The following CDKN2B-AS1 variants were observed in gnomAD, a reference collection of about 807,000 sequenced individuals.
CDKN2B-AS1 encodes the protein CDKN2B and CDKN2A antisense cis and trans regulatory RNA 1, also known as CDKN2B antisense RNA 1 (non-protein coding).
chr9:21,996,341 A>G lies in CDKN2B-AS1; in HGVS notation n.29+1180A>G, dbSNP rs1200260049. Among the ~76,000 whole-genome samples, 2 of 152,154 alleles carry G rather than the reference A, an allele frequency of 1.3e-5. No individual in the cohort carries two copies. The highest frequency in any genetic ancestry group is 2.9e-5 in the Non-Finnish European group (2 of 68,026). Reference sequence around the variant, plus strand: ...TTACAAATGCACCTCCCCGGTAGGTAGATTTCACTCAGAATTTACCCAACA... The same window carrying G: ...TTACAAATGCACCTCCCCGGTAGGTGGATTTCACTCAGAATTTACCCAACA... On this transcript the variant is annotated intron_variant and non_coding_transcript_variant, in intron 1 of 4. Transcript: ENST00000650946. The surrounding 1 kb of genome is among the most constrained non-coding windows in gnomAD (Gnocchi z 5.4).
At chr9:22,115,420 C>G (rs1427695847) in intron 4 of CDKN2B-AS1, among the ~76,000 whole-genome samples, 1 of 152,130 alleles carries the variant, frequency 6.6e-6, no homozygotes, top group Non-Finnish European at 1.5e-5. Flanking sequence ...GGTCTCCCCT[C>G]TCAGAAGCGA....
At chr9:22,048,982 C>G (rs183628174) in intron 2 of CDKN2B-AS1, 2 of 152,278 alleles carry the variant, frequency 1.3e-5, no homozygotes, top group South Asian at 2.1e-4. Flanking sequence ...AAGAGCTCAA[C>G]AAATATTCAC....
At chr9:22,092,691 T>C (rs1313208552) in intron 4 of CDKN2B-AS1, among the ~76,000 whole-genome samples, 4 of 152,176 alleles carry the variant, frequency 2.6e-5, no homozygotes, top group Non-Finnish European at 5.9e-5. Context: ...TTTTTTATTG[T>C]GTCTATTTGA....
At chr9:22,008,497 C>T (rs1821305302) in intron 1 of CDKN2B-AS1, among the ~76,000 whole-genome samples, 1 of 152,164 alleles carries the variant, frequency 6.6e-6, no homozygotes, top group Non-Finnish European at 1.5e-5. Flanking sequence ...AGATAATCTT[C>T]TTCCCTAAAT....
At chr9:22,008,794 C>G in intron 1 of CDKN2B-AS1, 1 of 1,605,864 alleles carries the variant, frequency 6.2e-7, no homozygotes, top group Non-Finnish European at 8.5e-7. Flanking sequence ...GGGGCCCCAG[C>G]TACCTGGATC....
At chr9:22,066,729 C>A (rs756872406) in intron 4 of CDKN2B-AS1, among the ~76,000 whole-genome samples, 1 of 151,872 alleles carries the variant, frequency 6.6e-6, no homozygotes, top group African/African-American at 2.4e-5. Flanking sequence ...GAGTTACCAT[C>A]GGGTCTTAGA....
At chr9:22,073,090 A>G (rs1044043288) in intron 4 of CDKN2B-AS1, among the ~76,000 whole-genome samples, 1 of 152,164 alleles carries the variant, frequency 6.6e-6, no homozygotes, top group African/African-American at 2.4e-5. Flanking sequence ...CACATATTAA[A>G]ATATTATTTT....
chr9:22,078,265 A>G (rs1563967285), intron 4 of CDKN2B-AS1, among the ~76,000 whole-genome samples: 1 of 147,248 alleles, frequency 6.8e-6, no homozygotes, highest in Non-Finnish European at 1.5e-5. Flanking sequence ...CTTGCTTTCA[A>G]TTTTTTTTTT....
At chr9:22,127,426 C>T (rs966589555) in exon 5 of CDKN2B-AS1, among the ~76,000 whole-genome samples, 2 of 152,218 alleles carry the variant, frequency 1.3e-5, no homozygotes, top group African/African-American at 4.8e-5. Flanking sequence ...GATGCACTGC[C>T]TCTTAGTAAT....
At chr9:22,059,229 A>G (rs1403616793) in intron 4 of CDKN2B-AS1, among the ~76,000 whole-genome samples, 1 of 152,254 alleles carries the variant, frequency 6.6e-6, no homozygotes, top group African/African-American at 2.4e-5. Context: ...AGACAAGGGT[A>G]GTCCCTTCTG....
chr9:22,040,992 AG>A (rs1822874447), intron 1 of CDKN2B-AS1, among the ~76,000 whole-genome samples: 1 of 152,024 alleles, frequency 6.6e-6, no homozygotes, highest in South Asian at 2.1e-4. Context: ...CACTGCGTGT[AG>A]AATCAGATTT....
chr9:22,033,307 G>A (rs961188537), intron 1 of CDKN2B-AS1, among the ~76,000 whole-genome samples: 1 of 152,168 alleles, frequency 6.6e-6, no homozygotes, highest in Non-Finnish European at 1.5e-5. Context: ...TGCACAAGTA[G>A]CTAAAGCTAG....
chr9:22,078,747 ATCT>A (rs1483976481), intron 4 of CDKN2B-AS1, among the ~76,000 whole-genome samples: 2 of 152,316 alleles, frequency 1.3e-5, no homozygotes, highest in African/African-American at 4.8e-5. Flanking sequence ...TCCCTTCAAA[ATCT>A]TCTTCATTAG....
intron 4 of CDKN2B-AS1, among the ~76,000 whole-genome samples, chr9:22,071,407 C>T (rs1256838146): frequency 6.9e-6 from 1 of 145,390 alleles, no homozygotes; most frequent in African/African-American, 2.6e-5. Flanking sequence ...CATGTGAGGG[C>T]CTAAGTATAC....
At chr9:22,075,741 A>C (rs1410791621) in intron 4 of CDKN2B-AS1, among the ~76,000 whole-genome samples, 1 of 152,244 alleles carries the variant, frequency 6.6e-6, no homozygotes, top group Non-Finnish European at 1.5e-5. Flanking sequence ...TGGGTGCAAC[A>C]GCAAAGGAGG....
At chr9:22,056,247 T>TTTTTTTTTTTTTTTCC (rs397743274) in intron 3 of CDKN2B-AS1, 1 of 132,724 alleles carries the variant, frequency 7.5e-6, no homozygotes, top group East Asian at 2.1e-4. Flanking sequence ...TTTTTTTTTT[T>TTTTTTTTTTTTTTTCC]CCAGTAGAGA....
intron 1 of CDKN2B-AS1, among the ~76,000 whole-genome samples, chr9:22,027,055 C>G (rs890761898): frequency 6.6e-6 from 1 of 152,048 alleles, no homozygotes; most frequent in South Asian, 2.1e-4. Context: ...AATGAGAGTA[C>G]CTTAATGTTT....
chr9:22,058,680 A>T (rs1823677797), intron 4 of CDKN2B-AS1: 1 of 152,496 alleles, frequency 6.6e-6, no homozygotes, highest in Admixed American at 6.5e-5. Flanking sequence ...TCTGCAGGGG[A>T]TCTGCTCACT....
intron 1 of CDKN2B-AS1, among the ~76,000 whole-genome samples, chr9:22,041,719 T>C (rs1822905262): frequency 6.6e-6 from 1 of 152,080 alleles, no homozygotes; most frequent in Non-Finnish European, 1.5e-5. Context: ...TATTTGAAGA[T>C]ACTTTACATA....
Sources: allele counts gnomAD v4.1 joint callset (sites outside exome capture counted in the v4.1 genomes callset), GRCh38; gene constraint gnomAD v4.1.1; non-coding constraint Gnocchi (gnomAD v3.1); transcripts MANE v1.5; gene names NCBI Gene and HGNC (gene_info 2026-07-23, HGNC 2026-07-21).